Variants in NOX4 observed in about 807,000 individuals in gnomAD.
NOX4 encodes the protein kidney oxidase-1.
A neutral mutation model predicts 87.6 loss-of-function variants in NOX4; 69 were observed. That is an observed-to-expected ratio of 0.79 (90% CI 0.65 to 0.96). The LOEUF (loss-of-function observed/expected upper bound fraction) is 0.96. Among genes scored for constraint, NOX4 ranks in the 40% least tolerant of loss-of-function variants. NOX4 has a pLI of 0.00. For missense variants in NOX4, 680 were observed against 681.5 expected (o/e 1.00, Z 0.02); for synonymous variants, 275 against 238.2 (o/e 1.15, Z -1.42).
intron 14 of NOX4, among the ~76,000 whole-genome samples, chr11:89,340,484 A>G (rs1277669160): frequency 1.3e-5 from 2 of 152,196 alleles, no homozygotes. Context: ...GTTGAAGGCC[A>G]TAACTGAACT....
At chr11:89,378,838 C>A (rs1304101306) in intron 11 of NOX4, among the ~76,000 whole-genome samples, 1 of 152,112 alleles carries the variant, frequency 6.6e-6, no homozygotes, top group Non-Finnish European at 1.5e-5. Flanking sequence ...GAAGATTGCT[C>A]TAAATGTCTG....
chr11:89,433,222 T>C (rs1451219249), intron 6 of NOX4, among the ~76,000 whole-genome samples: 2 of 152,062 alleles, frequency 1.3e-5, no homozygotes, highest in Non-Finnish European at 2.9e-5. Context: ...TATAATACAT[T>C]ATTGCTTACT....
upstream of NOX4, among the ~76,000 whole-genome samples, chr11:89,494,172 TCA>T (rs902796699): frequency 1.3e-5 from 2 of 152,158 alleles, no homozygotes; most frequent in Admixed American, 1.3e-4. Context: ...ATAAGAAAAT[TCA>T]CACTTTCTCC....
At chr11:89,531,999 T>C in the NOX4 span, among the ~76,000 whole-genome samples, 82,159 of 152,006 alleles carry the variant, frequency 0.54, 23,352 homozygotes, top group African/African-American at 0.72. Context: ...TGTGCAAAGA[T>C]AAAAGAGTTG....
At chr11:89,439,014 G>T (rs1416350406) in intron 6 of NOX4, among the ~76,000 whole-genome samples, 1 of 108,420 alleles carries the variant, frequency 9.2e-6, no homozygotes, top group Non-Finnish European at 1.8e-5. Flanking sequence ...AGTAATATTA[G>T]TATAATCATA....
intron 2 of NOX4, among the ~76,000 whole-genome samples, chr11:89,456,785 G>A (rs1247161244): frequency 6.6e-6 from 1 of 152,180 alleles, no homozygotes; most frequent in Non-Finnish European, 1.5e-5. Flanking sequence ...GAGCCCACAG[G>A]GTTTGGGACA....
chr11:89,338,319 T>C (rs1286757604), intron 15 of NOX4, among the ~76,000 whole-genome samples: 1 of 152,128 alleles, frequency 6.6e-6, no homozygotes, highest in East Asian at 1.9e-4. Flanking sequence ...CTATGTGTCA[T>C]AATTTCCTTC....
the NOX4 span, among the ~76,000 whole-genome samples, chr11:89,540,327 A>T: frequency 6.6e-6 from 1 of 152,064 alleles, no homozygotes; most frequent in African/African-American, 2.4e-5. Flanking sequence ...TACTTCTTTC[A>T]TCCTCCGAGT....
the NOX4 span, among the ~76,000 whole-genome samples, chr11:89,529,163 G>A: frequency 6.6e-6 from 1 of 152,154 alleles, no homozygotes; most frequent in African/African-American, 2.4e-5. Flanking sequence ...AACTGGGATT[G>A]ATAGAAAATT....
the NOX4 span, among the ~76,000 whole-genome samples, chr11:89,558,339 G>T: frequency 1.3e-5 from 2 of 152,040 alleles, no homozygotes; most frequent in Non-Finnish European, 2.9e-5. Context: ...TTACATTACT[G>T]AAAGTCATTT....
At chr11:89,419,688 T>TTAAAA in intron 8 of NOX4, among the ~76,000 whole-genome samples, 1 of 151,922 alleles carries the variant, frequency 6.6e-6, no homozygotes, top group Admixed American at 6.6e-5. Context: ...TCTGTATAAA[T>TTAAAA]TAAAGTCACT....
At chr11:89,354,415 C>A (rs1192097674) in intron 13 of NOX4, among the ~76,000 whole-genome samples, 2 of 152,068 alleles carry the variant, frequency 1.3e-5, no homozygotes, top group Non-Finnish European at 2.9e-5. Flanking sequence ...ACGCTTGGGG[C>A]ATCTATGAGA....
chr11:89,549,893 T>C, the NOX4 span, among the ~76,000 whole-genome samples: 1 of 152,264 alleles, frequency 6.6e-6, no homozygotes, highest in Admixed American at 6.5e-5. Context: ...TTATCCAGTC[T>C]ATCATTGATG....
chr11:89,504,704 T>G, the NOX4 span, among the ~76,000 whole-genome samples: 7 of 152,118 alleles, frequency 4.6e-5, no homozygotes, highest in East Asian at 1.9e-4. Context: ...ATTTTGTGAA[T>G]TAATACAGAC....
rs1684487714 is a variant in NOX4, at chr11:89,438,561, A to AC, written c.475+2126_475+2127insG. Among the ~76,000 whole-genome samples the AC allele has an allele frequency of 5.3e-4, 47 of 88,314 alleles. 1 individual carries two copies. The highest frequency in any genetic ancestry group is 2.4e-3 in the African/African-American group (45 of 18,534). The allele number at this position is 88,314 out of a possible 152,430, so 57.9% of individuals were successfully genotyped here. Reference sequence around the variant, plus strand: ...CACTATATATAATAATATACTATATATAATATAATATATACTATATATTAT... The same window carrying AC: ...CACTATATATAATAATATACTATATACTAATATAATATATACTATATATTAT... On this transcript the variant is annotated intron_variant, in intron 6 of 17. Coordinates refer to ENST00000263317, the MANE Select transcript of NOX4 (RefSeq NM_016931.5).
At chr11:89,542,461 T>A in the NOX4 span, among the ~76,000 whole-genome samples, 1 of 152,224 alleles carries the variant, frequency 6.6e-6, no homozygotes, top group Non-Finnish European at 1.5e-5. Flanking sequence ...TAGGCTTTAT[T>A]AATTAAGGCT....
chr11:89,383,140 C>T (rs1426429375), intron 11 of NOX4, among the ~76,000 whole-genome samples: 1 of 152,162 alleles, frequency 6.6e-6, no homozygotes, highest in African/African-American at 2.4e-5. Context: ...GTTGCAATTA[C>T]TTGCCTGTGC....
the NOX4 span, among the ~76,000 whole-genome samples, chr11:89,521,855 T>C: frequency 6.6e-6 from 1 of 151,848 alleles, no homozygotes; most frequent in Non-Finnish European, 1.5e-5. Flanking sequence ...AATAACCCCA[T>C]TAAAAAACAG....
chr11:89,466,192 C>T (rs1335913917), intron 2 of NOX4, among the ~76,000 whole-genome samples: 3 of 152,090 alleles, frequency 2.0e-5, no homozygotes, highest in Admixed American at 2.0e-4. Context: ...TTAGTTATAC[C>T]AGCCTGAACC....
Sources: allele counts gnomAD v4.1 joint callset (sites outside exome capture counted in the v4.1 genomes callset), GRCh38; gene constraint gnomAD v4.1.1; transcripts MANE v1.5; gene names NCBI Gene and HGNC (gene_info 2026-07-23, HGNC 2026-07-21).